GRK3: variants seen among roughly 807,000 people sequenced by gnomAD.
GRK3 encodes the protein G protein-coupled receptor kinase 3.
Under a neutral mutation model 95.7 loss-of-function variants are expected in GRK3, and 54 were observed. That is an observed-to-expected ratio of 0.56 (90% CI 0.45 to 0.71). The LOEUF (loss-of-function observed/expected upper bound fraction) is 0.71. Ranked by LOEUF, GRK3 falls within the 30% of genes least tolerant of loss-of-function variation. The pLI is 0.00. For missense variants in GRK3, 649 were observed against 851.2 expected (o/e 0.76, Z 2.96); for synonymous variants, 281 against 290.8 (o/e 0.97, Z 0.34).
intron 1 of GRK3, chr22:25,580,492 A>C (rs567807332): frequency 6.6e-6 from 1 of 152,330 alleles, no homozygotes; most frequent in South Asian, 2.1e-4. Context: ...AGAAATGCAA[A>C]CTGAAATAGG....
At chr22:25,689,778 T>C (rs537907755) in intron 11 of GRK3, among the ~76,000 whole-genome samples, 1 of 152,252 alleles carries the variant, frequency 6.6e-6, no homozygotes, top group Non-Finnish European at 1.5e-5. Flanking sequence ...TTCATGGCTT[T>C]ACTCTTAGAA....
intron 2 of GRK3, among the ~76,000 whole-genome samples, chr22:25,619,297 G>A (rs186519588): frequency 1.2e-3 from 190 of 152,164 alleles, no homozygotes; most frequent in African/African-American, 4.4e-3. Context: ...CTCTACATAC[G>A]TGATCTCATT....
In GRK3 at chr22:25,714,565, A is replaced by C; in HGVS notation, c.1649A>C (p.Glu550Ala). 6.3e-7 allele frequency: 1 copy of C among 1,595,108 alleles called. No individual in the cohort carries two copies. The highest frequency in any genetic ancestry group is 8.5e-7 in the Non-Finnish European group (1 of 1,173,916). Residue 550 changes from glutamate to alanine, a missense_variant, in exon 18 of 21, where the codon GAA becomes GCA. Transcript: ENST00000324198. Reference protein sequence around the residue: ...KRAKNKQLGHEEDYALGKDCI... With the variant: ...KRAKNKQLGHAEDYALGKDCI... ...GCTAAAAATAAGCAACTTGGCCACG[A>C]AGAAGGTAAAATAGCTCACGTGTCT... is the stretch of plus-strand genomic sequence containing the variant.
intron 1 of GRK3, among the ~76,000 whole-genome samples, chr22:25,601,940 T>C (rs1188818867): frequency 6.6e-6 from 1 of 152,196 alleles, no homozygotes; most frequent in African/African-American, 2.4e-5. Context: ...GAAAGACTTC[T>C]TAGGACAGAC....
intron 1 of GRK3, chr22:25,580,131 G>A (rs1249294169): frequency 6.6e-6 from 1 of 152,162 alleles, no homozygotes; most frequent in Non-Finnish European, 1.5e-5. Context: ...TGGAGAGAGA[G>A]GAACAGTGAA....
rs2085489994 is a variant in GRK3, at chr22:25,728,262, T to C, written c.*5812T>C. 6.6e-6 allele frequency: 1 copy of C among 152,242 alleles called. No individual in the cohort carries two copies. The highest frequency in any genetic ancestry group is 1.5e-5 in the Non-Finnish European group (1 of 68,044). The allele number at this position is 152,242 out of a possible 1,614,324, so 9.4% of individuals were successfully genotyped here. ...GTGCTGAGAGGCGCATGCATGTCTT[T>C]CGTCACGTCGGGCAGCACACCTGCT... On this transcript the variant is annotated 3_prime_UTR_variant, in exon 21 of 21. Transcript: ENST00000324198.
chr22:25,676,690 CAA>C (rs34695269), intron 8 of GRK3, among the ~76,000 whole-genome samples: 6 of 123,128 alleles, frequency 4.9e-5, no homozygotes, highest in Admixed American at 8.7e-5. Flanking sequence ...GACTCAGTCT[CAA>C]AAAAAAAAAA....
chr22:25,713,753 C>G (rs1347147250), intron 17 of GRK3, among the ~76,000 whole-genome samples: 1 of 152,152 alleles, frequency 6.6e-6, no homozygotes, highest in Non-Finnish European at 1.5e-5. Context: ...TTTGAATAAT[C>G]GTTTAGAAGA....
chr22:25,649,110 GA>G, intron 3 of GRK3: 1 of 1,526,318 alleles, frequency 6.6e-7, no homozygotes, highest in Non-Finnish European at 9.1e-7. Flanking sequence ...ATCCCTCCAT[GA>G]ATTGATGAAT....
Position 25,565,132 on chromosome 22 carries a change from G to C in GRK3, c.92G>C (p.Arg31Thr), listed in dbSNP as rs1931410901. 2 of 1,544,302 alleles carry C rather than the reference G, an allele frequency of 1.3e-6. No homozygotes were observed. The highest frequency in any genetic ancestry group is 2.1e-4 in the Middle Eastern group (1 of 4,818). ...KATPAARASK[R>T]IVLPEPSIRS... is the part of the protein sequence containing the mutation. ...ACCCCGGCCGCCCGCGCCAGCAAGA[G>C]GATCGTCCTGCCGGAGCCCAGGTAC... Residue 31 changes from arginine (R) to threonine (T), a missense_variant, in exon 1 of 21, where the codon AGG (arginine) becomes ACG (threonine). Physicochemically the swap from Arg to Thr is moderately conservative, Grantham distance 71. Around this residue, in one of 3 missense-constraint regions of GRK3, gnomAD observed 206 missense variants for 231.4 expected, o/e 0.89. Transcript: ENST00000324198.
chr22:25,726,814 G>A lies in GRK3; in HGVS notation c.*4364G>A, dbSNP rs1233602316. ...CATTTGCTGCCTATCAGGACTTTCT[G>A]AAGAAGTTCTTTTGCCTCTGCCTAC... On this transcript the variant is annotated 3_prime_UTR_variant, in exon 21 of 21. Coordinates refer to ENST00000324198, the MANE Select transcript of GRK3 (RefSeq NM_005160.4). 6.6e-6 allele frequency: 1 copy of A among 152,068 alleles called. No homozygotes were observed. Among genetic ancestry groups the A allele is most frequent in the African/African-American group, 2.4e-5 (1 of 41,398 alleles). 9.4% of individuals were successfully genotyped at this position (152,068 alleles called of 1,614,324 possible). A position where few individuals can be genotyped will look rare whatever the true frequency, so the allele number is the denominator to read the frequency against.
At chr22:25,693,541 C>A (rs61139482) in intron 12 of GRK3, among the ~76,000 whole-genome samples, 2 of 152,150 alleles carry the variant, frequency 1.3e-5, no homozygotes, top group Admixed American at 6.5e-5. Flanking sequence ...GCTCTCACAG[C>A]GTGGCCTGAT....
chr22:25,575,608 C>T (rs550155717), intron 1 of GRK3, among the ~76,000 whole-genome samples: 3 of 152,210 alleles, frequency 2.0e-5, no homozygotes, highest in African/African-American at 7.2e-5. Context: ...AAGAAAACCC[C>T]ATGGTAGATA....
intron 6 of GRK3, among the ~76,000 whole-genome samples, chr22:25,670,829 G>C (rs1294065381): frequency 6.7e-6 from 1 of 148,872 alleles, no homozygotes; most frequent in Non-Finnish European, 1.5e-5. Flanking sequence ...CGAGGCGGGC[G>C]GATCGAGACC....
Position 25,672,311 on chromosome 22 carries a change from AT to A in GRK3, c.523del (p.Cys175ValfsTer8). On this transcript the variant is annotated frameshift_variant, in exon 7 of 21. Transcript: ENST00000324198. LOFTEE classifies it high-confidence loss of function. ...TCTCTTTTAGTGACAAGTTCACTAG[AT>A]TTTGTCAGTGGAAAAACGTTGAATT... Reference protein sequence around the residue: ...KFMESDKFTRFCQWKNVELNI... With the variant: ...KFMESDKFTRXCQWKNVELNI... 6.8e-7 allele frequency: 1 copy of A among 1,461,562 alleles called. No individual in the cohort carries two copies. Among genetic ancestry groups the A allele is most frequent in the Non-Finnish European group, 9.4e-7 (1 of 1,058,288 alleles). The allele number at this position is 1,461,562 out of a possible 1,614,324, so 90.5% of individuals were successfully genotyped here. A position where few individuals can be genotyped will look rare whatever the true frequency, so the allele number is the denominator to read the frequency against.
intron 1 of GRK3, among the ~76,000 whole-genome samples, chr22:25,578,171 C>T (rs1931972140): frequency 6.6e-6 from 1 of 151,666 alleles, no homozygotes; most frequent in African/African-American, 2.4e-5. Context: ...CTTATCATCC[C>T]CAGTCTTTAA....
chr22:25,622,024 C>T (rs1196615385), intron 2 of GRK3, among the ~76,000 whole-genome samples: 1 of 152,152 alleles, frequency 6.6e-6, no homozygotes, highest in East Asian at 1.9e-4. Flanking sequence ...GTCCTGTTGG[C>T]ATCCTTTGCC....
intron 1 of GRK3, among the ~76,000 whole-genome samples, chr22:25,582,614 C>G (rs2146320065): frequency 6.6e-6 from 1 of 152,226 alleles, no homozygotes; most frequent in Admixed American, 6.5e-5. Flanking sequence ...GAGATTTGCT[C>G]TAATATAAAA....
chr22:25,688,325 C>T (rs1319470327), intron 11 of GRK3, among the ~76,000 whole-genome samples: 1 of 151,360 alleles, frequency 6.6e-6, no homozygotes, highest in Admixed American at 6.6e-5. Flanking sequence ...GTTCACTAAG[C>T]AACTGATTTG....
Sources: gnomAD v4.1 joint callset for allele counts (sites outside exome capture counted in the v4.1 genomes callset) on GRCh38, gnomAD v4.1.1 for gene constraint, gnomAD v4.1.1 regional missense constraint, MANE v1.5 for transcripts, NCBI Gene and HGNC (gene_info 2026-07-23, HGNC 2026-07-21) for gene names.